Variants in PXDNL observed in about 807,000 individuals in gnomAD.
PXDNL encodes peroxidasin like, also known as probable oxidoreductase PXDNL.
Under a neutral mutation model 150.8 loss-of-function variants are expected in PXDNL, and 145 were observed. That is an observed-to-expected ratio of 0.96 (90% CI 0.84 to 1.10). The LOEUF (loss-of-function observed/expected upper bound fraction) is 1.10. Ranked by LOEUF, PXDNL falls within the 50% of genes least tolerant of loss-of-function variation. The pLI is 0.00. For missense variants in PXDNL, 2,087 were observed against 1,873.9 expected (o/e 1.11, Z -2.10); for synonymous variants, 757 against 725.7 (o/e 1.04, Z -0.69).
intron 1 of PXDNL, among the ~76,000 whole-genome samples, chr8:51,712,388 T>A (rs767275827): frequency 6.6e-5 from 10 of 152,248 alleles, no homozygotes; most frequent in Non-Finnish European, 1.0e-4. Context: ...TTTTCTTTTA[T>A]GTAGAATTCC....
intron 14 of PXDNL, among the ~76,000 whole-genome samples, chr8:51,422,031 G>A (rs765212024): frequency 6.6e-6 from 1 of 151,984 alleles, no homozygotes; most frequent in Non-Finnish European, 1.5e-5. Flanking sequence ...GATCAGCAGG[G>A]GCACTAGATT....
chr8:51,746,212 T>G (rs539991231), intron 1 of PXDNL, among the ~76,000 whole-genome samples: 1 of 152,330 alleles, frequency 6.6e-6, no homozygotes, highest in South Asian at 2.1e-4. Flanking sequence ...CAAGGGACAA[T>G]GCCAAAATGC....
intron 3 of PXDNL, among the ~76,000 whole-genome samples, chr8:51,564,469 A>T (rs978760268): frequency 6.6e-6 from 1 of 151,858 alleles, no homozygotes; most frequent in Non-Finnish European, 1.5e-5. Context: ...TGCCACCCAG[A>T]TAATAAGCCT....
intron 2 of PXDNL, among the ~76,000 whole-genome samples, chr8:51,643,620 G>C (rs1182192779): frequency 6.6e-6 from 1 of 152,146 alleles, no homozygotes; most frequent in Non-Finnish European, 1.5e-5. Flanking sequence ...TACCATTCAG[G>C]ACATAGGCAT....
At chr8:51,539,266 C>T (rs1318041654) in intron 4 of PXDNL, among the ~76,000 whole-genome samples, 3 of 151,902 alleles carry the variant, frequency 2.0e-5, no homozygotes, top group African/African-American at 4.8e-5. Flanking sequence ...TAATAAATTA[C>T]ATTTTTGTTT....
intron 4 of PXDNL, among the ~76,000 whole-genome samples, chr8:51,530,455 T>C (rs1391230517): frequency 6.6e-6 from 1 of 152,120 alleles, no homozygotes; most frequent in Non-Finnish European, 1.5e-5. Flanking sequence ...GCCAGAATGA[T>C]CCTTTCAAAC....
intron 1 of PXDNL, among the ~76,000 whole-genome samples, chr8:51,777,428 A>T (rs1425870515): frequency 6.6e-6 from 1 of 152,390 alleles, no homozygotes; most frequent in East Asian, 1.9e-4. Flanking sequence ...GTGAAACCAT[A>T]GCTGCCACTG....
chr8:51,496,966 C>T (rs548086956), intron 5 of PXDNL, among the ~76,000 whole-genome samples: 9 of 152,064 alleles, frequency 5.9e-5, no homozygotes, highest in African/African-American at 1.2e-4. Context: ...AAAAAGAGCC[C>T]GGATTGCCAA....
intron 2 of PXDNL, among the ~76,000 whole-genome samples, chr8:51,611,738 C>T (rs1814006982): frequency 6.6e-6 from 1 of 151,312 alleles, no homozygotes; most frequent in Non-Finnish European, 1.5e-5. Context: ...TCCAGAGATT[C>T]CCAGGAGGGA....
At chr8:51,330,125 G>T (rs191096926) in intron 21 of PXDNL, among the ~76,000 whole-genome samples, 2 of 152,264 alleles carry the variant, frequency 1.3e-5, no homozygotes, top group Non-Finnish European at 2.9e-5. Flanking sequence ...ACTGGGAGGG[G>T]CACCTGCTTT....
At chr8:51,569,114 T>G (rs1320343755) in intron 3 of PXDNL, among the ~76,000 whole-genome samples, 1 of 151,950 alleles carries the variant, frequency 6.6e-6, no homozygotes, top group Non-Finnish European at 1.5e-5. Context: ...ATGCCAGCTT[T>G]CTCTCTTCTG....
intron 3 of PXDNL, among the ~76,000 whole-genome samples, chr8:51,573,773 A>C (rs894680170): frequency 6.6e-6 from 1 of 152,010 alleles, no homozygotes; most frequent in Non-Finnish European, 1.5e-5. Flanking sequence ...TATAATGTCA[A>C]AGTCTTTACC....
intron 3 of PXDNL, among the ~76,000 whole-genome samples, chr8:51,568,619 T>C (rs1394110992): frequency 1.3e-5 from 2 of 151,880 alleles, no homozygotes; most frequent in African/African-American, 4.8e-5. Context: ...CTCTGAGCTT[T>C]TGGGACCTGT....
intron 4 of PXDNL, among the ~76,000 whole-genome samples, chr8:51,547,933 A>G (rs532982834): frequency 1.3e-5 from 2 of 152,276 alleles, no homozygotes; most frequent in African/African-American, 4.8e-5. Context: ...GATATTTTTT[A>G]AAAATACAGA....
intron 19 of PXDNL, among the ~76,000 whole-genome samples, chr8:51,360,440 A>G (rs921738008): frequency 3.9e-5 from 6 of 152,332 alleles, no homozygotes; most frequent in African/African-American, 1.2e-4. Flanking sequence ...GCACATAGCT[A>G]TACATGCCTA....
chr8:51,549,054 T>A (rs1812425679), intron 4 of PXDNL, among the ~76,000 whole-genome samples: 1 of 152,066 alleles, frequency 6.6e-6, no homozygotes, highest in African/African-American at 2.4e-5. Flanking sequence ...AAACACACTA[T>A]AAAGCAATAA....
chr8:51,483,847 A>C lies in PXDNL; in HGVS notation c.453-133T>G, dbSNP rs16916400. 9.0e-3 allele frequency: 5,427 copies of C among 606,084 alleles called. 225 individuals are homozygous for C. The African/African-American group carries it at 0.09, about 10-fold the overall frequency. The allele number at this position is 606,084 out of a possible 1,614,324, so 37.5% of individuals were successfully genotyped here. A position where few individuals can be genotyped will look rare whatever the true frequency, so the allele number is the denominator to read the frequency against. On this transcript the variant is annotated intron_variant, in intron 5 of 22. Coordinates refer to ENST00000356297, the MANE Select transcript of PXDNL (RefSeq NM_144651.5). Reference sequence around the variant, plus strand: ...CAGTGAGAAAGGGCAAACAGAAGTCAGAGTGTCATTTATACAACCATCTGT... The same window carrying C: ...CAGTGAGAAAGGGCAAACAGAAGTCCGAGTGTCATTTATACAACCATCTGT...
intron 17 of PXDNL, among the ~76,000 whole-genome samples, chr8:51,406,458 C>T (rs1466687748): frequency 2.0e-5 from 3 of 152,182 alleles, no homozygotes; most frequent in Admixed American, 1.3e-4. Flanking sequence ...CTTCAGGTCA[C>T]TCTCTTGCTT....
chr8:51,809,435 G>GCTGC lies in PXDNL; in HGVS notation c.-95_-92dup. ...AGCAACCGCAGTGGTGGTGATGGTG[G>GCTGC]CTGCTGGACTGAGCCAAGTTTGGGA... is the stretch of plus-strand genomic sequence containing the variant. On this transcript the variant is annotated 5_prime_UTR_variant, in exon 1 of 23. Transcript: ENST00000356297. 1 of 1,321,492 alleles carries GCTGC rather than the reference G, an allele frequency of 7.6e-7. No homozygotes were observed. Among genetic ancestry groups the GCTGC allele is most frequent in the East Asian group, 2.6e-5 (1 of 38,440 alleles). The allele number at this position is 1,321,492 out of a possible 1,614,324, so 81.9% of individuals were successfully genotyped here.
Sources: gnomAD v4.1 joint callset for allele counts (sites outside exome capture counted in the v4.1 genomes callset) on GRCh38, gnomAD v4.1.1 for gene constraint, MANE v1.5 for transcripts, NCBI Gene and HGNC (gene_info 2026-07-23, HGNC 2026-07-21) for gene names.